SH3TC1: variants seen among roughly 807,000 people sequenced by gnomAD.
SH3TC1 encodes the protein SH3 domain and tetratricopeptide repeat-containing protein 1.
In SH3TC1, 135 loss-of-function variants were observed where a neutral mutation model predicts 117.3. That is an observed-to-expected ratio of 1.15 (90% confidence interval 1.00 to 1.33). The LOEUF (loss-of-function observed/expected upper bound fraction) is 1.33, where lower values mean the gene tolerates loss of function less well. SH3TC1 is among the 40% of genes most tolerant of loss of function. The pLI is 0.00. For synonymous variants in SH3TC1, 898 were observed against 816.9 expected, an observed-to-expected ratio of 1.10 and a Z score of -1.69; for missense variants, 2,092 against 1,794.3, an observed-to-expected ratio of 1.17 and a Z score of -3.00.
At position 8,222,946 on chromosome 4, in the gene SH3TC1, G is replaced by T. The variant is rs373317904; in HGVS notation, c.1219G>T (p.Asp407Tyr). Reference sequence around the variant, plus strand: ...GTTGCTGAGGCGGATGTCGGGCACCGATGTCTGCAGCGTGTACAGCCTGGG... The same window carrying T: ...GTTGCTGAGGCGGATGTCGGGCACCTATGTCTGCAGCGTGTACAGCCTGGG... ...RQLLRRMSGT[D>Y]VCSVYSLDSV... The change falls in exon 10 of 18, where the codon GAT (aspartate) becomes TAT (tyrosine). Residue 407 changes from aspartate to tyrosine, a missense_variant. Transcript: ENST00000245105. The T allele has an allele frequency of 1.2e-6, 2 of 1,612,396 alleles. No individual in the cohort carries two copies. The highest frequency in any genetic ancestry group is 1.7e-5 in the Admixed American group (1 of 59,994).
Position 8,237,506 on chromosome 4 carries a change from C to A in SH3TC1, c.3589C>A (p.Arg1197=), listed in dbSNP as rs748691097. The change falls in exon 17 of 18, where the codon CGG becomes AGG. Residue 1197 remains arginine, a synonymous_variant. Coordinates refer to ENST00000245105, the MANE Select transcript of SH3TC1 (RefSeq NM_018986.5). The stretch of plus-strand genomic sequence containing the variant: ...GCTGAACGAGCGCGTGGCCTACCAC[C>A]GGCTGGCCGCCCTGCAACACCGACT... ...DRLNERVAYH[R]LAALQHRLGH... 4.4e-6 allele frequency: 7 copies of A among 1,602,452 alleles called. No individual in the cohort carries two copies. Among genetic ancestry groups the A allele is most frequent in the Non-Finnish European group, 5.1e-6 (6 of 1,175,134 alleles).
At chr4:8,211,447 G>A (rs1337357607) in intron 3 of SH3TC1, among the ~76,000 whole-genome samples, 5 of 6,996 alleles carry the variant, frequency 7.1e-4, no homozygotes, top group Non-Finnish European at 6.4e-4. Context: ...CTCTCCACCC[G>A]CCCCCGCACC....
intron 1 of SH3TC1, among the ~76,000 whole-genome samples, chr4:8,187,854 T>TGGG (rs1485623980): frequency 1.3e-5 from 2 of 152,144 alleles, no homozygotes; most frequent in Non-Finnish European, 2.9e-5. Flanking sequence ...CCGGCCTACA[T>TGGG]ATTTGTTTTC....
At chr4:8,233,309 G>C in intron 13 of SH3TC1, 54 bp from the exon 14 acceptor site, 1 of 1,550,848 alleles carries the variant, frequency 6.4e-7, no homozygotes, top group East Asian at 2.3e-5. Context: ...GGAGGAGGCA[G>C]ACTGGTTCCA....
At chr4:8,238,164 C>A (rs936944982) in intron 17 of SH3TC1, among the ~76,000 whole-genome samples, 1 of 152,086 alleles carries the variant, frequency 6.6e-6, no homozygotes, top group Admixed American at 6.5e-5. Context: ...TCCTGGAGTC[C>A]CGAGACACCT....
rs527614153 is a variant in SH3TC1, at chr4:8,210,868, C to T, written c.247+1046C>T. 1.1e-3 allele frequency among the ~76,000 whole-genome samples: 167 copies of T among 151,514 alleles called. 1 individual carries two copies. Among genetic ancestry groups the T allele is most frequent in the Non-Finnish European group, 1.4e-3 (93 of 67,960 alleles). On this transcript the variant is annotated intron_variant, in intron 3 of 17. Transcript: ENST00000245105. This position sits in a 1 kb window ranked among gnomAD's most constrained non-coding sequence, Gnocchi z 4.1. The stretch of plus-strand genomic sequence containing the variant: ...GATTCCAGAAGTCTCCAGGTTGGCC[C>T]GGTTGGCCCTTCCCCCATAGGGGGT...
chr4:8,215,325 C>T, intron 5 of SH3TC1: 3 of 445,352 alleles, frequency 6.7e-6, no homozygotes, highest in South Asian at 4.7e-5. Context: ...CTTGCGACAC[C>T]ACCCTTGATT....
rs1351967551 is a variant in SH3TC1 at position 8,225,674 on chromosome 4, G to A, written c.1285+458G>A. 6.6e-6 allele frequency among the ~76,000 whole-genome samples: 1 copy of A among 152,160 alleles called. No individual in the cohort carries two copies. Among genetic ancestry groups the A allele is most frequent in the East Asian group, 1.9e-4 (1 of 5,196 alleles). ...CTCCTTCCTGAGGGGCTGATTGAGG[G>A]AGACCCTTCCATCTCCCCTCTACAG... On this transcript the variant is annotated intron_variant, in intron 11 of 17. Transcript: ENST00000245105. This position sits in a 1 kb window ranked among gnomAD's most constrained non-coding sequence, Gnocchi z 5.5.
rs563234091 is a variant in SH3TC1 at position 8,218,798 on chromosome 4, G to A, written c.916+451G>A. On this transcript the variant is annotated intron_variant, in intron 8 of 17. Coordinates refer to ENST00000245105, the MANE Select transcript of SH3TC1 (RefSeq NM_018986.5). ...TGCACTAACAGAGGACCGTGACCGCGTCCTCTTTATGAAAAGCTGGCACTG... is the reference window on the plus strand; with the variant it reads ...TGCACTAACAGAGGACCGTGACCGCATCCTCTTTATGAAAAGCTGGCACTG... 1.1e-3 allele frequency among the ~76,000 whole-genome samples: 173 copies of A among 152,372 alleles called. 3 individuals carry two copies. Among genetic ancestry groups the A allele is most frequent in the African/African-American group, 4.0e-3 (167 of 41,596 alleles).
At position 8,237,472 on chromosome 4, in the gene SH3TC1, A is replaced by G; in HGVS notation, c.3557-2A>G. ...CACCTGCCCCCTTGGCCTGCACCCC[A>G]GGGGACCGGCTGAACGAGCGCGTGG... On this transcript the variant is annotated splice_acceptor_variant, in intron 16 of 17. Transcript: ENST00000245105. LOFTEE classifies it high-confidence loss of function. 6.4e-7 allele frequency: 1 copy of G among 1,563,082 alleles called. No homozygotes were observed.
At position 8,205,639 on chromosome 4, in the gene SH3TC1, C is replaced by T; in HGVS notation, c.172+273C>T. 1.3e-6 allele frequency: 1 copy of T among 765,912 alleles called. No individual in the cohort carries two copies. Among genetic ancestry groups the T allele is most frequent in the Non-Finnish European group, 2.4e-6 (1 of 418,756 alleles). The allele number at this position is 765,912 out of a possible 1,614,324, so 47.4% of individuals were successfully genotyped here. ...AAACTGGCAAAGAACGAGGCAGGGG[C>T]CTTTGAACCCCCATGTTCAGAGACC... On this transcript the variant is annotated intron_variant, in intron 2 of 17. Coordinates refer to ENST00000245105, the MANE Select transcript of SH3TC1 (RefSeq NM_018986.5). This position sits in a 1 kb window ranked among gnomAD's most constrained non-coding sequence, Gnocchi z 5.4.
intron 13 of SH3TC1, chr4:8,232,564 C>A (rs751331922): frequency 1.5e-6 from 2 of 1,360,574 alleles, no homozygotes; most frequent in African/African-American, 2.9e-5. Context: ...TGGCTTCTCT[C>A]CCACAGAAGA....
chr4:8,202,436 C>T (rs1017988485), intron 1 of SH3TC1, among the ~76,000 whole-genome samples: 3 of 152,250 alleles, frequency 2.0e-5, no homozygotes, highest in African/African-American at 7.2e-5. Flanking sequence ...CTGCACCCTG[C>T]TCCCACTCCT....
intron 4 of SH3TC1, among the ~76,000 whole-genome samples, chr4:8,213,958 C>A (rs1315702234): frequency 6.6e-6 from 1 of 152,010 alleles, no homozygotes; most frequent in Non-Finnish European, 1.5e-5. Context: ...AATAGTACCC[C>A]CCGACACACA....
upstream of SH3TC1, among the ~76,000 whole-genome samples, chr4:8,198,412 C>T (rs1029538736): frequency 1.3e-5 from 2 of 152,226 alleles, no homozygotes; most frequent in African/African-American, 4.8e-5. Flanking sequence ...TGGGCCGGAG[C>T]CCGCAGCCCA....
At chr4:8,189,117 C>T (rs980725606) in intron 1 of SH3TC1, among the ~76,000 whole-genome samples, 2 of 152,256 alleles carry the variant, frequency 1.3e-5, no homozygotes, top group African/African-American at 2.4e-5. Context: ...GAGGTGAACC[C>T]GGCTCGGAAT....
chr4:8,215,047 G>T (rs1240326592), intron 5 of SH3TC1: 1 of 436,582 alleles, frequency 2.3e-6, no homozygotes, highest in African/African-American at 2.0e-5. Flanking sequence ...GTGCGCACCT[G>T]GTGCTCAGGG....
At chr4:8,208,289 G>A (rs1248331032) in intron 2 of SH3TC1, among the ~76,000 whole-genome samples, 3 of 152,212 alleles carry the variant, frequency 2.0e-5, no homozygotes, top group African/African-American at 4.8e-5. Context: ...GGTGTGTTTC[G>A]GTTACCGCTG....
rs1720621755 is a variant in SH3TC1, at chr4:8,227,601, A to C, written c.1907A>C (p.Asp636Ala). 1 of 1,520,762 alleles carries C rather than the reference A, an allele frequency of 6.6e-7. No individual in the cohort carries two copies. 94.2% of individuals were successfully genotyped at this position (1,520,762 alleles called of 1,614,324 possible). ...ATGGCCCTGCTCCTGGGGACGCCTG[A>C]CCACATCTGCAGCACCGAGGCGGAG... is the stretch of plus-strand genomic sequence containing the variant. ...KAMALLLGTP[D>A]HICSTEAEGE... The change falls in exon 12 of 18, where the codon GAC becomes GCC. Residue 636 changes from aspartate to alanine, a missense_variant. Physicochemically the swap from Asp to Ala is moderately radical, Grantham distance 126. Coordinates refer to ENST00000245105, the MANE Select transcript of SH3TC1 (RefSeq NM_018986.5).
Sources: gnomAD v4.1 joint callset for allele counts (sites outside exome capture counted in the v4.1 genomes callset) on GRCh38, gnomAD v4.1.1 for gene constraint, Gnocchi (gnomAD v3.1) non-coding constraint, MANE v1.5 for transcripts, NCBI Gene and HGNC (gene_info 2026-07-23, HGNC 2026-07-21) for gene names.